The following CTCF variants were observed in gnomAD, a reference collection of about 807,000 sequenced individuals.
CTCF encodes the protein CCCTC-binding factor.
Under a neutral mutation model 72.3 loss-of-function variants are expected in CTCF, and 7 were observed. The ratio of observed to expected loss-of-function variants is 0.10; its 90% CI spans 0.06 to 0.18. CTCF has a LOEUF of 0.18. CTCF is among the 10% of genes least tolerant of loss of function. CTCF has a pLI of 1.00. For missense variants in CTCF, 516 were observed against 949.1 expected (o/e 0.54, Z 6.00); for synonymous variants, 374 against 315.8 (o/e 1.18, Z -1.95).
chr16:67,628,354 C>G lies in CTCF; in HGVS notation c.1519-16C>G, dbSNP rs770801066. 2 of 1,611,240 alleles carry G rather than the reference C, an allele frequency of 1.2e-6. No individual in the cohort carries two copies. The highest frequency in any genetic ancestry group is 2.2e-5 in the East Asian group (1 of 44,798). On this transcript the variant is annotated splice_polypyrimidine_tract_variant and intron_variant, in intron 8 of 11. Coordinates refer to ENST00000264010, the MANE Select transcript of CTCF (RefSeq NM_006565.4). ...CATGAGCAGGCTCTGAGGCCTTTCC[C>G]CCTATGCCGTTTCAGGAGAGGCACA...
At chr16:67,580,657 GT>G (rs2051566291) in intron 2 of CTCF, among the ~76,000 whole-genome samples, 1 of 151,894 alleles carries the variant, frequency 6.6e-6, no homozygotes, top group African/African-American at 2.4e-5. Flanking sequence ...TGCTTCCCGG[GT>G]TCAAGTGATT....
intron 1 of CTCF, among the ~76,000 whole-genome samples, chr16:67,565,673 C>CAA (rs201956341): frequency 2.2e-3 from 135 of 61,726 alleles, no homozygotes; most frequent in Middle Eastern, 9.1e-3. Context: ...ACTCTTATCT[C>CAA]AAAAAAAAAA....
intron 2 of CTCF, among the ~76,000 whole-genome samples, chr16:67,571,746 C>T (rs997727209): frequency 2.0e-5 from 3 of 152,078 alleles, no homozygotes; most frequent in Non-Finnish European, 4.4e-5. Flanking sequence ...AACCTGGTAT[C>T]CTGGATAAAA....
At chr16:67,601,243 TGTGTGTGTGTGTTTTG>T (rs2051883041) in intron 2 of CTCF, among the ~76,000 whole-genome samples, 1 of 148,124 alleles carries the variant, frequency 6.8e-6, no homozygotes. Context: ...TGTGTGTGTG[TGTGTGTGTGTGTTTTG>T]TTTTGTTTTT....
At chr16:67,632,958 A>G (rs1212835543) in intron 10 of CTCF, among the ~76,000 whole-genome samples, 1 of 152,204 alleles carries the variant, frequency 6.6e-6, no homozygotes, top group Non-Finnish European at 1.5e-5. Flanking sequence ...TGCCGCAGCC[A>G]TGGGGGAGGG....
At chr16:67,628,763 C>A (rs1007169653) in intron 9 of CTCF, among the ~76,000 whole-genome samples, 1 of 152,140 alleles carries the variant, frequency 6.6e-6, no homozygotes, top group African/African-American at 2.4e-5. Flanking sequence ...AGATTGATTG[C>A]ATAAAGAAAT....
intron 2 of CTCF, among the ~76,000 whole-genome samples, chr16:67,590,253 T>G (rs945681743): frequency 6.6e-6 from 1 of 152,056 alleles, no homozygotes; most frequent in African/African-American, 2.4e-5. Context: ...GTTTCACTGT[T>G]GCCATTACAA....
chr16:67,568,722 G>T (rs1309765456), intron 1 of CTCF, among the ~76,000 whole-genome samples: 1 of 151,916 alleles, frequency 6.6e-6, no homozygotes, highest in Non-Finnish European at 1.5e-5. Context: ...TAGAGACGGG[G>T]TTTTGCCATG....
chr16:67,621,660 CA>C (rs2052200162), intron 7 of CTCF, 69 bp downstream of exon 7: 1 of 1,132,794 alleles, frequency 8.8e-7, no homozygotes. Flanking sequence ...ATATGGGGAT[CA>C]AAAATAACTT....
At chr16:67,582,150 G>T (rs1438094715) in intron 2 of CTCF, among the ~76,000 whole-genome samples, 1 of 151,450 alleles carries the variant, frequency 6.6e-6, no homozygotes, top group Non-Finnish European at 1.5e-5. Flanking sequence ...AACGGAGCTT[G>T]CAGTGAGCCG....
intron 1 of CTCF, among the ~76,000 whole-genome samples, chr16:67,569,140 A>G (rs1034318116): frequency 2.1e-5 from 3 of 142,078 alleles, no homozygotes; most frequent in South Asian, 2.3e-4. Flanking sequence ...TGCCTGGCCT[A>G]TTTGGAAACA....
At chr16:67,633,209 A>G (rs140364307) in intron 10 of CTCF, among the ~76,000 whole-genome samples, 19 of 151,034 alleles carry the variant, frequency 1.3e-4, no homozygotes, top group African/African-American at 4.2e-4. Context: ...GTGGTAGACT[A>G]TAGGTTACGG....
chr16:67,592,203 G>A (rs1381176450), intron 2 of CTCF, among the ~76,000 whole-genome samples: 5 of 152,120 alleles, frequency 3.3e-5, no homozygotes, highest in Non-Finnish European at 7.3e-5. Context: ...CCTGAGGTCA[G>A]GAGTTTGAGA....
chr16:67,620,871 A>T (rs1376557619), intron 6 of CTCF, 54 bp downstream of exon 6: 13 of 1,471,834 alleles, frequency 8.8e-6, no homozygotes, highest in Non-Finnish European at 1.2e-5. Context: ...AGTGAATCCC[A>T]TGGGACCCTG....
At chr16:67,578,029 A>G (rs1262095959) in intron 2 of CTCF, among the ~76,000 whole-genome samples, 1 of 152,194 alleles carries the variant, frequency 6.6e-6, no homozygotes, top group Non-Finnish European at 1.5e-5. Context: ...CCAGAGCTGA[A>G]GACTATTAAT....
intron 3 of CTCF, 37 bp downstream of exon 3, chr16:67,611,650 A>G (rs771797930): frequency 4.4e-6 from 7 of 1,574,734 alleles, no homozygotes; most frequent in African/African-American, 4.1e-5. Context: ...TCATAAAACC[A>G]TTTTGGGATA....
At chr16:67,635,614 C>G (rs866815606) in intron 10 of CTCF, 1 of 152,326 alleles carries the variant, frequency 6.6e-6, no homozygotes, top group Non-Finnish European at 1.5e-5. Context: ...CTCAGCCTCC[C>G]GAGTAGCTGG....
At chr16:67,576,550 G>GTTTTTTTTTTTT (rs35771667) in intron 2 of CTCF, among the ~76,000 whole-genome samples, 2 of 108,256 alleles carry the variant, frequency 1.8e-5, no homozygotes, top group Non-Finnish European at 3.7e-5. Flanking sequence ...ATAATAGAAT[G>GTTTTTTTTTTTT]TTTTTTTTTT....
intron 9 of CTCF, among the ~76,000 whole-genome samples, chr16:67,628,985 G>T (rs1020443863): frequency 4.6e-5 from 7 of 152,008 alleles, no homozygotes; most frequent in Non-Finnish European, 8.8e-5. Flanking sequence ...CCGGGAGGCA[G>T]AGCTTGCAGT....
Sources: allele counts gnomAD v4.1 joint callset (sites outside exome capture counted in the v4.1 genomes callset), GRCh38; gene constraint gnomAD v4.1.1; transcripts MANE v1.5; gene names NCBI Gene and HGNC (gene_info 2026-07-23, HGNC 2026-07-21).